Variants in ALG9 observed in about 807,000 individuals in gnomAD.
ALG9 encodes ALG9 alpha-1,2-mannosyltransferase.
A neutral mutation model predicts 81.8 loss-of-function variants in ALG9; 55 were observed. The observed-to-expected ratio is 0.67, with a 90% CI of 0.54 to 0.84. The LOEUF (loss-of-function observed/expected upper bound fraction) is 0.84. Among genes scored for constraint, ALG9 ranks in the 40% least tolerant of loss-of-function variants. The pLI is 0.00. For missense variants in ALG9, 629 were observed against 745.0 expected (o/e 0.84, Z 1.81); for synonymous variants, 278 against 274.3 (o/e 1.01, Z -0.13).
intron 13 of ALG9, among the ~76,000 whole-genome samples, chr11:111,834,867 G>C (rs898706187): frequency 1.6e-4 from 25 of 152,148 alleles, no homozygotes; most frequent in Non-Finnish European, 3.1e-4. Flanking sequence ...ATTGTAACAG[G>C]AATCAGAGCC....
chr11:111,871,284 G>A (rs1303120265), intron 1 of ALG9, 68 bp downstream of exon 1: 14 of 1,363,572 alleles, frequency 1.0e-5, no homozygotes, highest in Admixed American at 4.0e-5. Flanking sequence ...CCACAGCTAA[G>A]ACCCTCCCGG....
chr11:111,855,458 G>A (rs181882096), intron 6 of ALG9, among the ~76,000 whole-genome samples: 16 of 152,278 alleles, frequency 1.1e-4, no homozygotes, highest in African/African-American at 2.6e-4. Context: ...TTAGGAGGCC[G>A]TGTAGTGATC....
chr11:111,853,520 A>G (rs1029227407), intron 7 of ALG9, 35 bp from the exon 8 acceptor site: 7 of 1,587,672 alleles, frequency 4.4e-6, no homozygotes, highest in South Asian at 3.3e-5. Flanking sequence ...TGATCTAGAA[A>G]CATTCTCAAA....
At chr11:111,834,735 T>C (rs1555115979) in intron 13 of ALG9, among the ~76,000 whole-genome samples, 3 of 152,142 alleles carry the variant, frequency 2.0e-5, no homozygotes, top group Non-Finnish European at 4.4e-5. Flanking sequence ...CCTATGACAG[T>C]GTATTTTCCC....
chr11:111,770,281 G>A, the ALG9 span, among the ~76,000 whole-genome samples: 1 of 152,176 alleles, frequency 6.6e-6, no homozygotes, highest in African/African-American at 2.4e-5. Flanking sequence ...TGTCCACTGG[G>A]TGATTCTAGT....
At chr11:111,775,664 CG>C in the ALG9 span, among the ~76,000 whole-genome samples, 1 of 152,192 alleles carries the variant, frequency 6.6e-6, no homozygotes, top group East Asian at 1.9e-4. Flanking sequence ...CACTTAAGCC[CG>C]GGAGTTTGAG....
At chr11:111,831,800 A>G (rs1405380126) in intron 13 of ALG9, among the ~76,000 whole-genome samples, 6 of 152,260 alleles carry the variant, frequency 3.9e-5, no homozygotes, top group African/African-American at 1.4e-4. Flanking sequence ...GGGATAAAGA[A>G]GAATGAAATA....
chr11:111,821,430 T>C (rs1952353025), intron 13 of ALG9, among the ~76,000 whole-genome samples: 1 of 152,186 alleles, frequency 6.6e-6, no homozygotes, highest in South Asian at 2.1e-4. Flanking sequence ...CTCATGTCTC[T>C]CTACCATGCC....
At chr11:111,769,896 G>C in the ALG9 span, among the ~76,000 whole-genome samples, 13,250 of 152,050 alleles carry the variant, frequency 0.087, 1,893 homozygotes, top group African/African-American at 0.3. Context: ...TGCCTGGTTT[G>C]AGAGTCATCA....
chr11:111,821,249 G>A (rs543335565), intron 13 of ALG9, among the ~76,000 whole-genome samples: 19 of 151,996 alleles, frequency 1.3e-4, no homozygotes, highest in Admixed American at 9.2e-4. Context: ...TCTGCTCCAC[G>A]GGAGGCTTCT....
At chr11:111,802,686 C>G (rs1470763287) in intron 14 of ALG9, among the ~76,000 whole-genome samples, 1 of 152,032 alleles carries the variant, frequency 6.6e-6, no homozygotes, top group Non-Finnish European at 1.5e-5. Flanking sequence ...AAAAAAAACA[C>G]CCCGGTTAAA....
At chr11:111,834,152 T>A (rs1954837058) in intron 13 of ALG9, among the ~76,000 whole-genome samples, 1 of 152,228 alleles carries the variant, frequency 6.6e-6, no homozygotes, top group South Asian at 2.1e-4. Flanking sequence ...GAAAATTAAA[T>A]GGCTAAATGA....
chr11:111,818,726 G>A (rs1480056545), intron 13 of ALG9, among the ~76,000 whole-genome samples: 1 of 152,142 alleles, frequency 6.6e-6, no homozygotes, highest in East Asian at 1.9e-4. Flanking sequence ...AAAATCTGGG[G>A]CTGTGTCTAT....
chr11:111,844,814 A>G, intron 8 of ALG9, 91 bp from the exon 9 acceptor site: 1 of 1,401,634 alleles, frequency 7.1e-7, no homozygotes, highest in South Asian at 1.2e-5. Context: ...TTGGAATAAC[A>G]CTGATGATCC....
rs553355864 is a variant in ALG9 at position 111,837,411 on chromosome 11, T to C, written c.1472+57A>G. ...AAACAAAAATTAGAAGACACTGATATAGAACTGCTCTATTTACTCCTTCAT... is the reference window on the plus strand; with the variant it reads ...AAACAAAAATTAGAAGACACTGATACAGAACTGCTCTATTTACTCCTTCAT... On this transcript the variant is annotated intron_variant, in intron 12 of 14. Transcript: ENST00000616540. 38 of 1,599,144 alleles carry C rather than the reference T, an allele frequency of 2.4e-5. 2 individuals are homozygous for C. Among genetic ancestry groups the C allele is most frequent in the African/African-American group, 1.5e-4 (11 of 74,738 alleles).
In ALG9 at chr11:111,860,530, T is replaced by A. The variant is rs782585291; in HGVS notation, c.565+17A>T. ...CTGGTGATGACCTGCAATTCCCTCATCTGCCCTTTTACTTACCTGATGATG... is the reference window on the plus strand; with the variant it reads ...CTGGTGATGACCTGCAATTCCCTCAACTGCCCTTTTACTTACCTGATGATG... On this transcript the variant is annotated intron_variant, in intron 5 of 14. Transcript: ENST00000616540. 2 of 1,611,220 alleles carry A rather than the reference T, an allele frequency of 1.2e-6. No homozygotes were observed. Among genetic ancestry groups the A allele is most frequent in the African/African-American group, 1.3e-5 (1 of 74,998 alleles).
At chr11:111,855,903 T>A (rs775072667) in intron 6 of ALG9, among the ~76,000 whole-genome samples, 5 of 152,160 alleles carry the variant, frequency 3.3e-5, no homozygotes, top group African/African-American at 4.8e-5. Flanking sequence ...AATTTTAAAA[T>A]GGACTATTCT....
At position 111,853,694 on chromosome 11, in the gene ALG9, C is replaced by T; in HGVS notation, c.744G>A (p.Trp248Ter). Reference sequence around the variant, plus strand: ...TCAGCGACCAATGAAAGAAACTCTTCCACCTGTGTTTCATGACCAGCAAAT... The same window carrying T: ...TCAGCGACCAATGAAAGAAACTCTTTCACCTGTGTTTCATGACCAGCAAAT... The part of the protein sequence containing the change: ...AFDLLVMKHR[W>*]KSFFHWSLMA... Residue 248 changes from tryptophan to a stop codon, truncating the protein, a stop_gained, in exon 7 of 15, where the codon TGG becomes TGA. Coordinates refer to ENST00000616540, the MANE Select transcript of ALG9 (RefSeq NM_024740.2). LOFTEE classifies it high-confidence loss of function. 1.2e-6 allele frequency: 2 copies of T among 1,614,132 alleles called. No homozygotes were observed. Among genetic ancestry groups the T allele is most frequent in the Non-Finnish European group, 1.7e-6 (2 of 1,180,008 alleles).
Position 111,785,901 on chromosome 11 carries a change from A to G in ALG9, c.*496T>C. 2.6e-6 allele frequency: 1 copy of G among 386,498 alleles called. No homozygotes were observed. The highest frequency in any genetic ancestry group is 5.1e-6 in the Non-Finnish European group (1 of 197,550). 23.9% of individuals were successfully genotyped at this position (386,498 alleles called of 1,614,324 possible). A position where few individuals can be genotyped will look rare whatever the true frequency, so the allele number is the denominator to read the frequency against. On this transcript the variant is annotated 3_prime_UTR_variant, in exon 15 of 15. Coordinates refer to ENST00000616540, the MANE Select transcript of ALG9 (RefSeq NM_024740.2). ...GTGGGTTGGCAACTAGGCTGTGTTCATTTTCAGCATGAGGATTTCAATAAG... is the reference window on the plus strand; with the variant it reads ...GTGGGTTGGCAACTAGGCTGTGTTCGTTTTCAGCATGAGGATTTCAATAAG...
Sources: gnomAD v4.1 joint callset for allele counts (sites outside exome capture counted in the v4.1 genomes callset) on GRCh38, gnomAD v4.1.1 for gene constraint, MANE v1.5 for transcripts, NCBI Gene and HGNC (gene_info 2026-07-23, HGNC 2026-07-21) for gene names.